Variants in KYAT1 observed in about 807,000 individuals in gnomAD.
The protein encoded by KYAT1 is kynurenine--oxoglutarate transaminase 1.
A neutral mutation model predicts 52.4 loss-of-function variants in KYAT1; 47 were observed. The observed-to-expected ratio is 0.90, with a 90% CI of 0.71 to 1.14. The LOEUF (loss-of-function observed/expected upper bound fraction) is 1.14, where lower values mean the gene tolerates loss of function less well. Among genes scored for constraint, KYAT1 ranks in the 50% most tolerant of loss-of-function variants. The pLI is 0.00. For missense variants in KYAT1, 480 were observed against 557.9 expected, an observed-to-expected ratio of 0.86 and a Z score of 1.41; for synonymous variants, 212 against 209.6, an observed-to-expected ratio of 1.01 and a Z score of -0.10.
chr9:128,882,406 C>T (rs962095762), upstream of KYAT1: 5 of 284,088 alleles, frequency 1.8e-5, no homozygotes, highest in South Asian at 3.3e-4. Flanking sequence ...GTTCGGCCTA[C>T]CTCTGGGCTC....
At chr9:128,849,190 T>C (rs1272164959) in intron 1 of KYAT1, among the ~76,000 whole-genome samples, 1 of 150,454 alleles carries the variant, frequency 6.6e-6, no homozygotes, top group Non-Finnish European at 1.5e-5. Flanking sequence ...GGTGGACGGA[T>C]CACCTGAGGT....
chr9:128,836,666 TG>T, intron 7 of KYAT1, 135 bp downstream of exon 7: 1 of 993,984 alleles, frequency 1.0e-6, no homozygotes, highest in Non-Finnish European at 1.5e-6. Context: ...CTGTGTACTC[TG>T]GGAGGCAAAG....
intron 2 of KYAT1, 107 bp downstream of exon 2, chr9:128,845,246 C>T: frequency 2.4e-6 from 2 of 824,214 alleles, no homozygotes; most frequent in South Asian, 3.2e-5. Flanking sequence ...ATCTGGCAGT[C>T]TGTGTACCGC....
At chr9:128,835,122 G>A in intron 11 of KYAT1, 2 of 581,878 alleles carry the variant, frequency 3.4e-6, no homozygotes, top group South Asian at 2.0e-5. Context: ...GGGCAAGAGT[G>A]AGACTCCATC....
rs752207522 is a variant in KYAT1 at position 128,842,664 on chromosome 9, G to A, written c.191C>T (p.Thr64Ile). The A allele has an allele frequency of 6.2e-7, 1 of 1,613,950 alleles. No individual in the cohort carries two copies. The highest frequency in any genetic ancestry group is 8.5e-7 in the Non-Finnish European group (1 of 1,179,864). Residue 64 changes from threonine to isoleucine, a missense_variant, in exon 3 of 13, where the codon ACC becomes ATC. Coordinates refer to ENST00000302586, the MANE Select transcript of KYAT1 (RefSeq NM_004059.5). ...VSGDFMLNQY[T>I]KTFGYPPLTK... ...GATGGGGAGACTCACAAATGTCTTG[G>A]TGTACTGGTTAAGCATGAAGTCTCC... is the stretch of plus-strand genomic sequence containing the variant.
At position 128,835,741 on chromosome 9, in the gene KYAT1, GT is replaced by G. The variant is rs764789925; in HGVS notation, c.855+37del. 2.2e-5 allele frequency: 36 copies of G among 1,604,710 alleles called. 1 individual carries two copies. The highest frequency in any genetic ancestry group is 3.1e-5 in the Non-Finnish European group (36 of 1,175,702). ...GGGGGCCAGCCTGGGCTCTTTTGTT[GT>G]CCCCCCACTCCCCCGTGACGTCCTG... On this transcript the variant is annotated intron_variant, in intron 9 of 12. Transcript: ENST00000302586.
chr9:128,840,594 A>G (rs774010259), intron 3 of KYAT1: 7 of 430,682 alleles, frequency 1.6e-5, no homozygotes, highest in Non-Finnish European at 3.2e-5. Context: ...AAAGAAAGAA[A>G]AGAAAAAGAT....
At chr9:128,868,112 A>G (rs1836672798) in intron 1 of KYAT1, among the ~76,000 whole-genome samples, 1 of 151,894 alleles carries the variant, frequency 6.6e-6, no homozygotes, top group South Asian at 2.1e-4. Flanking sequence ...TATTACCATA[A>G]AGACAGACAT....
At chr9:128,862,117 G>C (rs1190493601) in intron 1 of KYAT1, among the ~76,000 whole-genome samples, 2 of 152,062 alleles carry the variant, frequency 1.3e-5, no homozygotes, top group Non-Finnish European at 1.5e-5. Flanking sequence ...TTTTTTTCCT[G>C]AAGTGACAAC....
intron 7 of KYAT1, 124 bp downstream of exon 7, chr9:128,836,678 G>T: frequency 1.7e-6 from 2 of 1,148,684 alleles, no homozygotes; most frequent in Non-Finnish European, 2.5e-6. Context: ...GGAGGCAAAG[G>T]TCACAGGATC....
chr9:128,870,454 C>T (rs562295800), intron 1 of KYAT1, among the ~76,000 whole-genome samples: 4 of 152,152 alleles, frequency 2.6e-5, no homozygotes, highest in South Asian at 2.1e-4. Flanking sequence ...CTGGGAAACA[C>T]GGCAAAACCT....
At chr9:128,866,425 C>A (rs1398869831) in intron 1 of KYAT1, among the ~76,000 whole-genome samples, 1 of 151,294 alleles carries the variant, frequency 6.6e-6, no homozygotes, top group Non-Finnish European at 1.5e-5. Flanking sequence ...CATGGTGAAA[C>A]CCTGTCTCTA....
chr9:128,861,646 G>C (rs1456200794), intron 1 of KYAT1, among the ~76,000 whole-genome samples: 1 of 152,198 alleles, frequency 6.6e-6, no homozygotes, highest in Non-Finnish European at 1.5e-5. Flanking sequence ...CTGAAACTAA[G>C]TACCTGTGCC....
chr9:128,880,061 A>G (rs917579677), intron 1 of KYAT1, among the ~76,000 whole-genome samples: 1 of 152,224 alleles, frequency 6.6e-6, no homozygotes, highest in African/African-American at 2.4e-5. Context: ...ACTTATCTGT[A>G]AAATGAGACT....
At chr9:128,877,748 A>G (rs891935711) in intron 1 of KYAT1, among the ~76,000 whole-genome samples, 14 of 152,192 alleles carry the variant, frequency 9.2e-5, no homozygotes, top group African/African-American at 3.1e-4. Context: ...ATAGGGGCAC[A>G]CTTAGAATTT....
At chr9:128,877,886 A>G (rs12005428) in intron 1 of KYAT1, among the ~76,000 whole-genome samples, 8,428 of 152,236 alleles carry the variant, frequency 0.055, 279 homozygotes, top group African/African-American at 0.096. Flanking sequence ...CTCTAGAGAA[A>G]GGGTACAGAA....
chr9:128,861,243 G>A (rs774925795), intron 1 of KYAT1, among the ~76,000 whole-genome samples: 3 of 152,198 alleles, frequency 2.0e-5, no homozygotes, highest in East Asian at 1.9e-4. Flanking sequence ...TAATTCCCAC[G>A]TGTCCTGGGA....
chr9:128,882,142 A>G (rs1168789068), upstream of KYAT1: 1 of 152,294 alleles, frequency 6.6e-6, no homozygotes, highest in Non-Finnish European at 1.5e-5. Context: ...TGAGTGGTGC[A>G]GTGAGGGACA....
At chr9:128,860,316 G>A (rs772656765) in intron 1 of KYAT1, 3 of 152,248 alleles carry the variant, frequency 2.0e-5, no homozygotes, top group Non-Finnish European at 4.4e-5. Context: ...CCATTCTCTA[G>A]GTATTCCTTA....
Sources: allele counts gnomAD v4.1 joint callset (sites outside exome capture counted in the v4.1 genomes callset), GRCh38; gene constraint gnomAD v4.1.1; transcripts MANE v1.5; gene names NCBI Gene and HGNC (gene_info 2026-07-23, HGNC 2026-07-21).